PCDHGA7: variants seen among roughly 807,000 people sequenced by gnomAD.
PCDHGA7 encodes the protein protocadherin gamma subfamily A, 7.
In PCDHGA7, 44 loss-of-function variants were observed where a neutral mutation model predicts 58.3. The observed-to-expected ratio is 0.75, with a 90% CI of 0.59 to 0.97. The LOEUF (loss-of-function observed/expected upper bound fraction) is 0.97, where lower values mean the gene tolerates loss of function less well. PCDHGA7 is among the 50% of genes least tolerant of loss of function. The pLI is 0.00. For missense variants in PCDHGA7, 1,266 were observed against 1,188.7 expected (o/e 1.06, Z -0.96); for synonymous variants, 516 against 504.2 (o/e 1.02, Z -0.31).
rs547410815 is a variant in PCDHGA7 at position 141,418,658 on chromosome 5, A to T, written c.2424+33335A>T. ...CACCTCCATCCTGAGAGTGAAGGCC[A>T]CTGACCAGGACGAGGGCATCAACTC... is the stretch of plus-strand genomic sequence containing the variant. On this transcript the variant is annotated intron_variant, in intron 1 of 3. Transcript: ENST00000518325. 2.6e-4 allele frequency: 419 copies of T among 1,614,030 alleles called. 6 individuals carry two copies. The South Asian group carries it at 4.2e-3, about 16-fold the overall frequency.
At chr5:141,430,589 G>A in intron 1 of PCDHGA7, 1 of 529,266 alleles carries the variant, frequency 1.9e-6, no homozygotes, top group Non-Finnish European at 3.1e-6. Context: ...TGCTCGCCTT[G>A]CACGCGCCTG....
At position 141,384,585 on chromosome 5, in the gene PCDHGA7, C is replaced by T. The variant is rs545796754; in HGVS notation, c.1686C>T (p.Ile562=). 4.3e-6 allele frequency: 7 copies of T among 1,614,246 alleles called. No individual in the cohort carries two copies. In the African/African-American group the frequency reaches 6.7e-5, roughly 15 times the overall value. ...VLDQNDNPPE[I]LYPALPTDGS... ...ACCAGAATGACAACCCGCCCGAGAT[C>T]CTGTACCCGGCCCTCCCCACAGATG... Residue 562 remains isoleucine, a synonymous_variant, in exon 1 of 4, where the codon ATC becomes ATT. Coordinates refer to ENST00000518325, the MANE Select transcript of PCDHGA7 (RefSeq NM_018920.4).
chr5:141,414,519 T>C (rs754685087), intron 1 of PCDHGA7: 6 of 1,613,856 alleles, frequency 3.7e-6, no homozygotes, highest in Non-Finnish European at 5.1e-6. Context: ...AAGTGGCAGA[T>C]ATCAATGACA....
At chr5:141,427,966 T>C (rs1458559803) in intron 1 of PCDHGA7, 10 of 1,590,764 alleles carry the variant, frequency 6.3e-6, no homozygotes, top group African/African-American at 1.3e-5. Flanking sequence ...CCGCGGGTGC[T>C]GTACCCCGCG....
At chr5:141,428,018 C>A in intron 1 of PCDHGA7, 12 of 1,604,570 alleles carry the variant, frequency 7.5e-6, no homozygotes, top group Middle Eastern at 1.7e-4. Context: ...TAGTGCCACG[C>A]GCCGCAGAGT....
intron 1 of PCDHGA7, chr5:141,391,723 C>CT (rs1366104842): frequency 6.6e-6 from 1 of 152,126 alleles, no homozygotes; most frequent in African/African-American, 2.4e-5. Flanking sequence ...GGGAAACAGA[C>CT]TTTTTTGTAG....
chr5:141,505,621 A>G (rs1170133157), intron 3 of PCDHGA7, 140 bp downstream of exon 3: 5 of 1,495,758 alleles, frequency 3.3e-6, no homozygotes, highest in South Asian at 2.6e-5. Context: ...AGGACCCACA[A>G]TTCCAAACAT....
At chr5:141,465,229 A>G (rs1010075158) in intron 1 of PCDHGA7, among the ~76,000 whole-genome samples, 6 of 152,208 alleles carry the variant, frequency 3.9e-5, no homozygotes, top group Non-Finnish European at 2.9e-5. Flanking sequence ...CATGAGCTCC[A>G]TCAAGTTCAA....
chr5:141,463,308 A>G (rs1233755540), intron 1 of PCDHGA7, among the ~76,000 whole-genome samples: 1 of 151,660 alleles, frequency 6.6e-6, no homozygotes, highest in Admixed American at 6.6e-5. Context: ...CCAAACTCTA[A>G]TATCTATTCC....
intron 1 of PCDHGA7, chr5:141,427,797 G>T: frequency 6.6e-7 from 1 of 1,505,306 alleles, no homozygotes; most frequent in Non-Finnish European, 9.1e-7. Flanking sequence ...CTACGTGTCC[G>T]TGAGCGCACA....
chr5:141,418,372 A>T (rs771262387), intron 1 of PCDHGA7: 25 of 1,613,968 alleles, frequency 1.5e-5, no homozygotes, highest in Non-Finnish European at 2.1e-5. Flanking sequence ...GCAAATACCA[A>T]CTAAGTCCTA....
In PCDHGA7 at chr5:141,476,087, C is replaced by T. The variant is rs758610836; in HGVS notation, c.2425-18720C>T. The stretch of plus-strand genomic sequence containing the variant: ...AGCGAAATCTCAGGGACGATCTGGA[C>T]CCCGCTGAGAGGAACTGCTTTTGAG... On this transcript the variant is annotated intron_variant, in intron 1 of 3. Coordinates refer to ENST00000518325, the MANE Select transcript of PCDHGA7 (RefSeq NM_018920.4). This position sits in a 1 kb window ranked among gnomAD's most constrained non-coding sequence, Gnocchi z 7.6. 9 of 1,553,656 alleles carry T rather than the reference C, an allele frequency of 5.8e-6. No individual in the cohort carries two copies. The South Asian group carries it at 1.1e-4, about 19-fold the overall frequency.
intron 1 of PCDHGA7, among the ~76,000 whole-genome samples, chr5:141,437,364 T>G (rs1026384836): frequency 6.6e-6 from 1 of 152,232 alleles, no homozygotes; most frequent in Non-Finnish European, 1.5e-5. Context: ...AAAATTGGAA[T>G]GTAATCAGTC....
intron 1 of PCDHGA7, among the ~76,000 whole-genome samples, chr5:141,465,879 T>C (rs979784878): frequency 6.6e-6 from 1 of 152,062 alleles, no homozygotes; most frequent in African/African-American, 2.4e-5. Context: ...TCCCAGCACT[T>C]TGGGAGGCCG....
intron 1 of PCDHGA7, among the ~76,000 whole-genome samples, chr5:141,405,886 CCAACACTGAAAGGAGG>C (rs1168478788): frequency 1.3e-5 from 2 of 152,086 alleles, no homozygotes; most frequent in African/African-American, 4.8e-5. Context: ...AATTGTTGCT[CCAACACTGAAAGGAGG>C]CATTTATTAG....
intron 1 of PCDHGA7, among the ~76,000 whole-genome samples, chr5:141,453,121 G>A (rs62379169): frequency 4.7e-4 from 71 of 151,818 alleles, no homozygotes; most frequent in Non-Finnish European, 8.4e-4. Flanking sequence ...GTTTTGTTTT[G>A]TTTTGTTTTT....
rs1444171664 is a variant in PCDHGA7, at chr5:141,477,015, T to G, written c.2425-17792T>G. The G allele has an allele frequency of 1.2e-6, 2 of 1,614,210 alleles. No homozygotes were observed. Among genetic ancestry groups the G allele is most frequent in the Non-Finnish European group, 1.7e-6 (2 of 1,180,038 alleles). On this transcript the variant is annotated intron_variant, in intron 1 of 3. Coordinates refer to ENST00000518325, the MANE Select transcript of PCDHGA7 (RefSeq NM_018920.4). This position sits in a 1 kb window ranked among gnomAD's most constrained non-coding sequence, Gnocchi z 4.9. ...CGGCAACTATTCGCCTTAGACCTTG[T>G]AACCGGGATGCTGACAATCAAGGGT...
intron 1 of PCDHGA7, chr5:141,420,475 A>G (rs1590231324): frequency 3.0e-6 from 2 of 665,126 alleles, no homozygotes; most frequent in Admixed American, 7.8e-5. Context: ...ATTTTAAAGC[A>G]AACTACATGG....
At chr5:141,417,798 C>T in intron 1 of PCDHGA7, 2 of 1,486,472 alleles carry the variant, frequency 1.3e-6, no homozygotes, top group Non-Finnish European at 1.8e-6. Context: ...GCTCTTTTAG[C>T]GCGGTAGAGT....
Sources: gnomAD v4.1 joint callset for allele counts (sites outside exome capture counted in the v4.1 genomes callset) on GRCh38, gnomAD v4.1.1 for gene constraint, Gnocchi (gnomAD v3.1) non-coding constraint, MANE v1.5 for transcripts, NCBI Gene and HGNC (gene_info 2026-07-23, HGNC 2026-07-21) for gene names.